Variants in TRDMT1 observed in about 807,000 individuals in gnomAD.
TRDMT1 encodes the protein tRNA (cytosine(38)-C(5))-methyltransferase.
Under a neutral mutation model 51.2 loss-of-function variants are expected in TRDMT1, and 49 were observed. The observed-to-expected ratio is 0.96, with a 90% confidence interval of 0.76 to 1.21. The LOEUF (loss-of-function observed/expected upper bound fraction) is 1.21, where lower values mean the gene tolerates loss of function less well. Among genes scored for constraint, TRDMT1 ranks in the 50% most tolerant of loss-of-function variants. The pLI is 0.00. For synonymous variants in TRDMT1, 187 were observed against 164.6 expected, an observed-to-expected ratio of 1.14 and a Z score of -1.04; for missense variants, 534 against 462.3, an observed-to-expected ratio of 1.16 and a Z score of -1.42.
chr10:17,184,012 A>C (rs1377162839), intron 1 of TRDMT1, among the ~76,000 whole-genome samples: 1 of 152,238 alleles, frequency 6.6e-6, no homozygotes, highest in African/African-American at 2.4e-5. Flanking sequence ...ACTAAAAATT[A>C]AACTACCTTA....
At chr10:17,163,488 A>G (rs1290017956) in intron 3 of TRDMT1, among the ~76,000 whole-genome samples, 2 of 152,326 alleles carry the variant, frequency 1.3e-5, no homozygotes, top group East Asian at 1.9e-4. Flanking sequence ...AAACACATTC[A>G]AAAGCTAGGA....
intron 8 of TRDMT1, among the ~76,000 whole-genome samples, chr10:17,156,739 T>A (rs1435456261): frequency 1.3e-5 from 2 of 152,192 alleles, no homozygotes; most frequent in South Asian, 2.1e-4. Flanking sequence ...ATTCTATTTA[T>A]ATTGTGCAGT....
chr10:17,195,998 T>C (rs962309246), intron 1 of TRDMT1, among the ~76,000 whole-genome samples: 1 of 152,218 alleles, frequency 6.6e-6, no homozygotes, highest in African/African-American at 2.4e-5. Flanking sequence ...AAAAATATCC[T>C]TAGGTGACAT....
At chr10:17,189,215 A>G (rs1844353141) in intron 1 of TRDMT1, among the ~76,000 whole-genome samples, 1 of 152,198 alleles carries the variant, frequency 6.6e-6, no homozygotes, top group South Asian at 2.1e-4. Context: ...ACATGTCTAT[A>G]AGAGTGTATG....
chr10:17,137,707 T>C lies in TRDMT1; in HGVS notation c.*11333A>G, dbSNP rs909368061. On this transcript the variant is annotated 3_prime_UTR_variant, in exon 11 of 11. Transcript: ENST00000377799. ...AGCCGGGCATGGTGGCACACACCTG[T>C]AGTCCCAGCTACTCAGGAGGCGAGG... The C allele has an allele frequency of 1.3e-5, 2 of 152,060 alleles. No individual in the cohort carries two copies. The highest frequency in any genetic ancestry group is 4.8e-5 in the African/African-American group (2 of 41,334). The allele number at this position is 152,060 out of a possible 1,614,324, so 9.4% of individuals were successfully genotyped here.
chr10:17,146,942 A>G lies in TRDMT1; in HGVS notation c.*2098T>C. 1.0e-6 allele frequency: 1 copy of G among 985,442 alleles called. No individual in the cohort carries two copies. Among genetic ancestry groups the G allele is most frequent in the Non-Finnish European group, 1.2e-6 (1 of 829,930 alleles). 61.0% of individuals were successfully genotyped at this position (985,442 alleles called of 1,614,324 possible). On this transcript the variant is annotated 3_prime_UTR_variant, in exon 11 of 11. Coordinates refer to ENST00000377799, the MANE Select transcript of TRDMT1 (RefSeq NM_004412.7). ...TATTTTCAATTATGAATTAAGGGCA[A>G]GAATCACCGTCTTCCTGTGAATACA...
At position 17,144,814 on chromosome 10, in the gene TRDMT1, C is replaced by CT. The variant is rs1165824085; in HGVS notation, c.*4225dup. ...ACAACAACAACAAAAAATACTTTTT[C>CT]TTTTTTTTTTTAAACTGAAGCTTTA... On this transcript the variant is annotated 3_prime_UTR_variant, in exon 11 of 11. Transcript: ENST00000377799. 1,300 of 764,076 alleles carry CT rather than the reference C, an allele frequency of 1.7e-3. No individual in the cohort carries two copies. Among genetic ancestry groups the CT allele is most frequent in the Middle Eastern group, 2.7e-3 (4 of 1,468 alleles). 47.3% of individuals were successfully genotyped at this position (764,076 alleles called of 1,614,324 possible). A position where few individuals can be genotyped will look rare whatever the true frequency, so the allele number is the denominator to read the frequency against.
rs1434258169 is a variant in TRDMT1 at position 17,139,724 on chromosome 10, C to T, written c.*9316G>A. Among the ~76,000 whole-genome samples, 1 of 152,036 alleles carries T rather than the reference C, an allele frequency of 6.6e-6. No individual in the cohort carries two copies. The highest frequency in any genetic ancestry group is 2.4e-5 in the African/African-American group (1 of 41,390). On this transcript the variant is annotated 3_prime_UTR_variant, in exon 11 of 11. Transcript: ENST00000377799. The stretch of plus-strand genomic sequence containing the variant: ...ACAAGGCTGATGCCTTACAAAGGGG[C>T]ATCATTCCCAGGGGATTTGTTAATT...
At chr10:17,191,895 T>G (rs146057921) in intron 1 of TRDMT1, among the ~76,000 whole-genome samples, 46 of 152,250 alleles carry the variant, frequency 3.0e-4, no homozygotes, top group African/African-American at 1.1e-3. Context: ...ACAGAGTGCA[T>G]GCCCACAGCC....
intron 10 of TRDMT1, chr10:17,152,110 GAA>G: frequency 7.9e-7 from 1 of 1,259,282 alleles, no homozygotes. Flanking sequence ...CTGAAAAAAG[GAA>G]AAAAAAATAG....
chr10:17,166,591 C>T (rs1841248279), intron 3 of TRDMT1, among the ~76,000 whole-genome samples: 1 of 152,168 alleles, frequency 6.6e-6, no homozygotes, highest in Non-Finnish European at 1.5e-5. Context: ...TCAGTTTCCT[C>T]ATACCTGATG....
intron 8 of TRDMT1, 89 bp downstream of exon 8, chr10:17,157,352 C>A: frequency 8.1e-7 from 1 of 1,232,536 alleles, no homozygotes; most frequent in Non-Finnish European, 1.1e-6. Context: ...TTATAAAATG[C>A]TCCTTGTTTT....
chr10:17,189,354 T>C (rs568751645), intron 1 of TRDMT1, among the ~76,000 whole-genome samples: 2 of 152,304 alleles, frequency 1.3e-5, no homozygotes, highest in East Asian at 3.9e-4. Flanking sequence ...ATTTTAAATA[T>C]AGTGCCTTTG....
chr10:17,164,705 A>G (rs894497246), intron 3 of TRDMT1, among the ~76,000 whole-genome samples: 10 of 143,510 alleles, frequency 7.0e-5, no homozygotes, highest in Non-Finnish European at 1.0e-4. Context: ...AAAAATCACA[A>G]GCATTCTTAT....
chr10:17,190,696 T>C (rs1844579068), intron 1 of TRDMT1, among the ~76,000 whole-genome samples: 1 of 152,190 alleles, frequency 6.6e-6, no homozygotes, highest in Admixed American at 6.5e-5. Context: ...AAGTTTAAAC[T>C]TATCACAGAA....
intron 1 of TRDMT1, among the ~76,000 whole-genome samples, chr10:17,183,031 T>C (rs1843464828): frequency 6.6e-6 from 1 of 152,204 alleles, no homozygotes; most frequent in South Asian, 2.1e-4. Context: ...TAAATTGACA[T>C]AATTCTTCTG....
At chr10:17,201,120 T>C (rs7895248) in intron 1 of TRDMT1, among the ~76,000 whole-genome samples, 21,968 of 151,952 alleles carry the variant, frequency 0.14, 1,656 homozygotes, top group Admixed American at 0.17. Context: ...GTAGCTATTA[T>C]CCCTTCCAAG....
chr10:17,153,408 T>C (rs747950559), intron 10 of TRDMT1, 99 bp downstream of exon 10: 1 of 1,377,404 alleles, frequency 7.3e-7, no homozygotes, highest in African/African-American at 1.5e-5. Flanking sequence ...AGAGGTTTCT[T>C]GAGCCCATTT....
chr10:17,147,434 T>G lies in TRDMT1; in HGVS notation c.*1606A>C. 1 of 813,748 alleles carries G rather than the reference T, an allele frequency of 1.2e-6. No homozygotes were observed. The highest frequency in any genetic ancestry group is 1.5e-6 in the Non-Finnish European group (1 of 673,452). The allele number at this position is 813,748 out of a possible 1,614,324, so 50.4% of individuals were successfully genotyped here. On this transcript the variant is annotated 3_prime_UTR_variant, in exon 11 of 11. Transcript: ENST00000377799. The stretch of plus-strand genomic sequence containing the variant: ...TAAAATTTATCATTTTAACTATTTT[T>G]AAATATACAGTTGCAGTGGCATTAA...
Sources: gnomAD v4.1 joint callset for allele counts (sites outside exome capture counted in the v4.1 genomes callset) on GRCh38, gnomAD v4.1.1 for gene constraint, MANE v1.5 for transcripts, NCBI Gene and HGNC (gene_info 2026-07-23, HGNC 2026-07-21) for gene names.